The following TBPL2 variants were observed in gnomAD, a reference collection of about 807,000 sequenced individuals.
TBPL2 encodes TATA-box binding protein like 2.
Under a neutral mutation model 38.2 loss-of-function variants are expected in TBPL2, and 40 were observed. The observed-to-expected ratio is 1.05, with a 90% CI of 0.81 to 1.36. TBPL2 has a LOEUF of 1.36. TBPL2 is among the 40% of genes most tolerant of loss of function. The pLI is 0.00. For synonymous variants in TBPL2, 169 were observed against 171.7 expected (o/e 0.98, Z 0.12); for missense variants, 461 against 456.7 (o/e 1.01, Z -0.09).
chr14:55,416,408 A>G (rs1050069243), intron 6 of TBPL2, among the ~76,000 whole-genome samples: 2 of 152,210 alleles, frequency 1.3e-5, no homozygotes, highest in African/African-American at 4.8e-5. Flanking sequence ...CCCGGGTAAC[A>G]TAGGGACACC....
At chr14:55,432,637 A>G (rs948032508) in intron 4 of TBPL2, among the ~76,000 whole-genome samples, 3 of 152,344 alleles carry the variant, frequency 2.0e-5, no homozygotes, top group Middle Eastern at 3.4e-3. Context: ...ATGTAAAACA[A>G]TGTAACTTTT....
At chr14:55,428,487 A>G (rs1252955126) in intron 5 of TBPL2, among the ~76,000 whole-genome samples, 2 of 152,162 alleles carry the variant, frequency 1.3e-5, no homozygotes, top group South Asian at 2.1e-4. Context: ...TCTGACCAGT[A>G]GCACTGTCAT....
chr14:55,417,455 A>T (rs1286921691), intron 6 of TBPL2, among the ~76,000 whole-genome samples: 2 of 38,474 alleles, frequency 5.2e-5, no homozygotes, highest in African/African-American at 8.0e-4. Flanking sequence ...CCTTGCCTTA[A>T]AAAAAAAAAA....
intron 5 of TBPL2, among the ~76,000 whole-genome samples, chr14:55,426,952 AT>A (rs11352360): frequency 0.21 from 31,241 of 152,126 alleles, 5,025 homozygotes; most frequent in African/African-American, 0.45. Flanking sequence ...CACACACATC[AT>A]TTTCGAGCCC....
intron 4 of TBPL2, among the ~76,000 whole-genome samples, chr14:55,431,984 C>T (rs1885935041): frequency 6.6e-6 from 1 of 151,800 alleles, no homozygotes; most frequent in African/African-American, 2.4e-5. Context: ...TGAAAAAGAC[C>T]AAAAAATATA....
At chr14:55,419,069 A>G (rs1376139003) in intron 6 of TBPL2, among the ~76,000 whole-genome samples, 1 of 152,230 alleles carries the variant, frequency 6.6e-6, no homozygotes, top group African/African-American at 2.4e-5. Context: ...CTGCTAAGAG[A>G]ATCTTAATCA....
intron 6 of TBPL2, among the ~76,000 whole-genome samples, chr14:55,417,867 GC>G (rs1885690642): frequency 6.6e-6 from 1 of 152,162 alleles, no homozygotes; most frequent in African/African-American, 2.4e-5. Flanking sequence ...GAAAGGACTG[GC>G]TTTGAGATCA....
chr14:55,416,601 C>A (rs1458006247), intron 6 of TBPL2, among the ~76,000 whole-genome samples: 1 of 152,138 alleles, frequency 6.6e-6, no homozygotes, highest in African/African-American at 2.4e-5. Flanking sequence ...GAAAAAGCCA[C>A]AAGTTTCAGC....
At chr14:55,437,053 A>G in intron 1 of TBPL2, 35 bp from the exon 2 acceptor site, 1 of 1,558,248 alleles carries the variant, frequency 6.4e-7, no homozygotes, top group African/African-American at 1.4e-5. Flanking sequence ...ACAAAAACAC[A>G]ACAGACAGAA....
exon 1 of TBPL2, chr14:55,440,473 G>A (rs905484062): frequency 1.2e-6 from 2 of 1,612,268 alleles, no homozygotes; most frequent in Non-Finnish European, 1.7e-6. Flanking sequence ...ACTGTTGGGG[G>A]TGGGGGCGGG....
chr14:55,414,220 G>T lies in TBPL2; in HGVS notation c.*159C>A, dbSNP rs76994124. 2,327 of 593,110 alleles carry T rather than the reference G, an allele frequency of 3.9e-3. 41 individuals carry two copies. The highest frequency in any genetic ancestry group is 0.039 in the African/African-American group (2,091 of 53,590). 36.7% of individuals were successfully genotyped at this position (593,110 alleles called of 1,614,324 possible). On this transcript the variant is annotated 3_prime_UTR_variant, in exon 7 of 7. Transcript: ENST00000247219. ...ACACAAAAGGAGTCATTTTGAATAA[G>T]AATTTTTCTTCGTTTCTTAGGTTAC...
intron 5 of TBPL2, 96 bp downstream of exon 5, chr14:55,428,709 TAA>T: frequency 3.8e-6 from 5 of 1,306,246 alleles, no homozygotes; most frequent in Non-Finnish European, 4.2e-6. Context: ...TTTTTTTTTT[TAA>T]TCACAATTTC....
At chr14:55,436,979 C>A (rs1416916112) in exon 2 of TBPL2, 6 of 1,614,074 alleles carry the variant, frequency 3.7e-6, no homozygotes, top group South Asian at 1.1e-5. Context: ...TAAGGTACAA[C>A]TGGGCTGAAC....
rs780307884 is a variant in TBPL2 at position 55,424,259 on chromosome 14, A to C, written c.957-6T>G. ...GAAACAGTTCAGGCTCGTAACTGTT[A>C]AGATGTAAAAGGAAAATGTTAAAAA... On this transcript the variant is annotated splice_region_variant and splice_polypyrimidine_tract_variant and intron_variant, in intron 5 of 6. Transcript: ENST00000247219. The C allele has an allele frequency of 6.3e-7, 1 of 1,583,992 alleles. No individual in the cohort carries two copies. Among genetic ancestry groups the C allele is most frequent in the Admixed American group, 1.7e-5 (1 of 59,608 alleles).
At chr14:55,428,742 A>C in intron 5 of TBPL2, 65 bp downstream of exon 5, 2 of 1,499,618 alleles carry the variant, frequency 1.3e-6, no homozygotes, top group Non-Finnish European at 1.8e-6. Flanking sequence ...ACTTTACGTA[A>C]GCAACCCATA....
chr14:55,426,542 A>T (rs1475688589), intron 5 of TBPL2, among the ~76,000 whole-genome samples: 1 of 152,116 alleles, frequency 6.6e-6, no homozygotes, highest in East Asian at 1.9e-4. Flanking sequence ...CATGTTAAAA[A>T]TTCAAATCTT....
chr14:55,434,931 T>C (rs1594794157), intron 3 of TBPL2, among the ~76,000 whole-genome samples: 1 of 152,206 alleles, frequency 6.6e-6, no homozygotes, highest in Non-Finnish European at 1.5e-5. Context: ...CTCATCTTTG[T>C]ACTCCTAAGT....
intron 2 of TBPL2, 137 bp downstream of exon 2, chr14:55,436,424 T>C: frequency 1.2e-6 from 1 of 841,648 alleles, no homozygotes; most frequent in South Asian, 1.8e-5. Context: ...CCACAATCCA[T>C]TTAGAACTGA....
chr14:55,419,591 A>G (rs1452130620), intron 6 of TBPL2, among the ~76,000 whole-genome samples: 1 of 152,240 alleles, frequency 6.6e-6, no homozygotes, highest in Non-Finnish European at 1.5e-5. Context: ...CCATGACAGT[A>G]GAACAGCAGG....
Sources: allele counts gnomAD v4.1 joint callset (sites outside exome capture counted in the v4.1 genomes callset), GRCh38; gene constraint gnomAD v4.1.1; transcripts MANE v1.5; gene names NCBI Gene and HGNC (gene_info 2026-07-23, HGNC 2026-07-21).